The following NAV2 variants were observed in gnomAD, a reference collection of about 807,000 sequenced individuals.
NAV2 encodes the protein neuron navigator 2.
Under a neutral mutation model 223.2 loss-of-function variants are expected in NAV2, and 54 were observed. That is an observed-to-expected ratio of 0.24 (90% CI 0.19 to 0.30). The LOEUF is 0.30. NAV2 is among the 10% of genes least tolerant of loss of function. The pLI is 1.00. For synonymous variants in NAV2, 1,279 were observed against 1,239.3 expected (o/e 1.03, Z -0.67); for missense variants, 2,806 against 3,147.5 (o/e 0.89, Z 2.60).
At chr11:19,895,967 C>T (rs1157889273) in intron 6 of NAV2, among the ~76,000 whole-genome samples, 1 of 152,078 alleles carries the variant, frequency 6.6e-6, no homozygotes, top group Non-Finnish European at 1.5e-5. Flanking sequence ...GAGGGACGCT[C>T]TTGTGAACAG....
chr11:19,888,440 G>A (rs1354300526), intron 5 of NAV2, among the ~76,000 whole-genome samples: 1 of 152,190 alleles, frequency 6.6e-6, no homozygotes, highest in Non-Finnish European at 1.5e-5. Flanking sequence ...GATGGCAGAT[G>A]CTTCCAGACT....
At chr11:20,097,900 G>T (rs547741835) in intron 31 of NAV2, among the ~76,000 whole-genome samples, 155 bp downstream of exon 31, 5 of 152,156 alleles carry the variant, frequency 3.3e-5, no homozygotes, top group Non-Finnish European at 5.9e-5. Flanking sequence ...AAGTTGAACC[G>T]TCTTTTGCTT....
intron 1 of NAV2, among the ~76,000 whole-genome samples, chr11:19,700,126 G>A (rs1254433572): frequency 6.6e-6 from 1 of 152,192 alleles, no homozygotes; most frequent in Non-Finnish European, 1.5e-5. Context: ...TGTGTTCCAG[G>A]AAATATGGTA....
intron 1 of NAV2, among the ~76,000 whole-genome samples, chr11:19,512,181 G>T (rs2729875): frequency 0.015 from 2,326 of 152,272 alleles, 57 homozygotes; most frequent in African/African-American, 0.054. Context: ...GGGACTCTGA[G>T]GGGTGGAAAG....
chr11:19,365,821 G>C (rs537651738), intron 1 of NAV2, among the ~76,000 whole-genome samples: 1 of 152,304 alleles, frequency 6.6e-6, no homozygotes, highest in East Asian at 1.9e-4. Context: ...TTTATAGAGT[G>C]CATGAGTCAG....
intron 32 of NAV2, among the ~76,000 whole-genome samples, chr11:20,101,601 G>C (rs540692236): frequency 6.6e-6 from 1 of 152,292 alleles, no homozygotes; most frequent in African/African-American, 2.4e-5. Context: ...ACCTTCACGG[G>C]AGTAGTTGTC....
chr11:19,872,350 G>C (rs1280621990), intron 4 of NAV2, among the ~76,000 whole-genome samples: 1 of 152,036 alleles, frequency 6.6e-6, no homozygotes, highest in Non-Finnish European at 1.5e-5. Flanking sequence ...AGCAAACCAA[G>C]GCCCAAAGAG....
At chr11:19,964,767 T>C (rs1052846428) in intron 10 of NAV2, among the ~76,000 whole-genome samples, 6 of 148,392 alleles carry the variant, frequency 4.0e-5, no homozygotes, top group African/African-American at 1.5e-4. Flanking sequence ...TCCCAAAACG[T>C]TGGGATTACA....
At chr11:19,665,514 G>A (rs1289964232) in intron 1 of NAV2, among the ~76,000 whole-genome samples, 2 of 152,178 alleles carry the variant, frequency 1.3e-5, no homozygotes, top group African/African-American at 2.4e-5. Context: ...TTTTTCTAAG[G>A]AACTGGCTCT....
chr11:19,961,701 G>A lies in NAV2; in HGVS notation c.2645+12621G>A, dbSNP rs143184885. Among the ~76,000 whole-genome samples the A allele has an allele frequency of 4.6e-5, 7 of 152,312 alleles. 1 individual carries two copies. In the South Asian group the frequency reaches 6.2e-4, roughly 14 times the overall value. ...GTGTTAAACTGTGGCGCACCTCTCAGGTGTGTGAGGAGGAGTAGAGGAGAT... is the reference window on the plus strand; with the variant it reads ...GTGTTAAACTGTGGCGCACCTCTCAAGTGTGTGAGGAGGAGTAGAGGAGAT... On this transcript the variant is annotated intron_variant, in intron 10 of 37. Coordinates refer to ENST00000349880, the MANE Select transcript of NAV2 (RefSeq NM_145117.5).
At chr11:19,517,059 T>A (rs2632053) in intron 1 of NAV2, among the ~76,000 whole-genome samples, 25,711 of 148,894 alleles carry the variant, frequency 0.17, 2,338 homozygotes, top group African/African-American at 0.24. Flanking sequence ...AAAAAAAAAA[T>A]AATAATACGA....
chr11:19,711,213 G>A (rs1348293743), upstream of NAV2: 1 of 152,202 alleles, frequency 6.6e-6, no homozygotes, highest in African/African-American at 2.4e-5. Flanking sequence ...TGCTTCAGAG[G>A]TTAAGACTTT....
intron 1 of NAV2, among the ~76,000 whole-genome samples, chr11:19,740,601 A>T (rs2052717362): frequency 6.6e-6 from 1 of 152,226 alleles, no homozygotes; most frequent in Non-Finnish European, 1.5e-5. Flanking sequence ...AGAACACAGG[A>T]GACATATTCA....
At chr11:19,497,638 C>G (rs1363243998) in intron 1 of NAV2, among the ~76,000 whole-genome samples, 1 of 152,142 alleles carries the variant, frequency 6.6e-6, no homozygotes, top group Non-Finnish European at 1.5e-5. Context: ...TGGTTCTGAG[C>G]TTTCAGGAAT....
At chr11:20,020,680 A>T (rs902802614) in intron 11 of NAV2, among the ~76,000 whole-genome samples, 1 of 152,234 alleles carries the variant, frequency 6.6e-6, no homozygotes, top group Non-Finnish European at 1.5e-5. Flanking sequence ...AATCATGTGT[A>T]ATCAAAACGA....
At chr11:20,063,245 A>C (rs2058820586) in intron 20 of NAV2, among the ~76,000 whole-genome samples, 1 of 152,168 alleles carries the variant, frequency 6.6e-6, no homozygotes, top group Admixed American at 6.6e-5. Flanking sequence ...CAGAGCAAGC[A>C]CTCCTAAATG....
At chr11:19,860,322 T>C (rs2061679662) in intron 3 of NAV2, among the ~76,000 whole-genome samples, 2 of 119,092 alleles carry the variant, frequency 1.7e-5, no homozygotes, top group Admixed American at 8.4e-5. Flanking sequence ...GACAGGGCGG[T>C]TGCCAGGCAG....
chr11:19,666,035 T>A (rs1041118052), intron 1 of NAV2, among the ~76,000 whole-genome samples: 1 of 152,150 alleles, frequency 6.6e-6, no homozygotes, highest in South Asian at 2.1e-4. Flanking sequence ...TAGTCTCATA[T>A]CACCCACATG....
At chr11:19,666,539 C>G (rs1222858412) in intron 1 of NAV2, among the ~76,000 whole-genome samples, 1 of 152,142 alleles carries the variant, frequency 6.6e-6, no homozygotes, top group Non-Finnish European at 1.5e-5. Context: ...TTTGCTTCTC[C>G]CCTGTAGCAC....
Sources: allele counts gnomAD v4.1 joint callset (sites outside exome capture counted in the v4.1 genomes callset), GRCh38; gene constraint gnomAD v4.1.1; transcripts MANE v1.5; gene names NCBI Gene and HGNC (gene_info 2026-07-23, HGNC 2026-07-21).